Variants in ZBTB20 observed in about 807,000 individuals in gnomAD.
ZBTB20 encodes the protein zinc finger and BTB domain-containing protein 20.
Under a neutral mutation model 56.9 loss-of-function variants are expected in ZBTB20, and 9 were observed. The observed-to-expected ratio is 0.16, with a 90% confidence interval of 0.10 to 0.28. The LOEUF is 0.28. ZBTB20 is among the 10% of genes least tolerant of loss of function. ZBTB20 has a pLI of 1.00. For missense variants in ZBTB20, 655 were observed against 1,003.0 expected, an observed-to-expected ratio of 0.65 and a Z score of 4.69; for synonymous variants, 417 against 420.7, an observed-to-expected ratio of 0.99 and a Z score of 0.11.
chr3:114,853,526 T>A (rs1354018913), intron 4 of ZBTB20, among the ~76,000 whole-genome samples: 1 of 152,200 alleles, frequency 6.6e-6, no homozygotes, highest in Admixed American at 6.5e-5. Flanking sequence ...ACTTATTAGC[T>A]CCTCTCCAAT....
intron 1 of ZBTB20, among the ~76,000 whole-genome samples, chr3:115,104,130 C>T (rs938791257): frequency 1.3e-5 from 2 of 152,150 alleles, no homozygotes; most frequent in African/African-American, 4.8e-5. Context: ...GGGAAATGCA[C>T]ATTAAAAATA....
At chr3:114,526,508 C>T (rs889826854) in intron 6 of ZBTB20, among the ~76,000 whole-genome samples, 3 of 151,990 alleles carry the variant, frequency 2.0e-5, no homozygotes, top group African/African-American at 4.8e-5. Flanking sequence ...ATTCATGTTC[C>T]TTTGATAAAT....
intron 5 of ZBTB20, among the ~76,000 whole-genome samples, chr3:114,735,941 G>A (rs556527150): frequency 5.9e-5 from 9 of 152,262 alleles, no homozygotes; most frequent in African/African-American, 2.2e-4. Flanking sequence ...TGATGGTAAC[G>A]TTTCAAGTAT....
intron 5 of ZBTB20, among the ~76,000 whole-genome samples, chr3:114,769,552 CATATATATATATATAT>C (rs6148023): frequency 0.21 from 23,899 of 116,526 alleles, 2,558 homozygotes; most frequent in Middle Eastern, 0.27. Context: ...TGCCAAAATG[CATATATATATATATAT>C]ATATATATAT....
At chr3:114,468,085 T>A (rs962602005) in intron 7 of ZBTB20, among the ~76,000 whole-genome samples, 1 of 152,222 alleles carries the variant, frequency 6.6e-6, no homozygotes, top group African/African-American at 2.4e-5. Flanking sequence ...TTTTGAATAT[T>A]TTTTTATGTC....
intron 7 of ZBTB20, among the ~76,000 whole-genome samples, chr3:114,470,962 T>C (rs2040057925): frequency 6.6e-6 from 1 of 152,218 alleles, no homozygotes. Flanking sequence ...AGACCTGGTT[T>C]CAAATCTTGT....
chr3:114,923,680 G>A (rs868514949), intron 3 of ZBTB20, among the ~76,000 whole-genome samples: 6 of 151,954 alleles, frequency 3.9e-5, no homozygotes, highest in African/African-American at 1.2e-4. Flanking sequence ...ATATTGACAC[G>A]AAAAGCACAG....
intron 2 of ZBTB20, among the ~76,000 whole-genome samples, chr3:115,040,704 G>T (rs999033301): frequency 6.6e-6 from 1 of 152,074 alleles, no homozygotes; most frequent in Non-Finnish European, 1.5e-5. Flanking sequence ...TGGGCACAAA[G>T]AAATGTTTTC....
chr3:114,686,757 G>T lies in ZBTB20; in HGVS notation c.-295+6771C>A, dbSNP rs187965129. 2.4e-4 allele frequency among the ~76,000 whole-genome samples: 37 copies of T among 152,140 alleles called. No individual in the cohort carries two copies. In the East Asian group the frequency reaches 7.2e-3, roughly 29 times the overall value. Reference sequence around the variant, plus strand: ...CCCCCTGAAGGCCTTCATCACTCTTGTTCTTGTTTTGATCTACATATCTCT... The same window carrying T: ...CCCCCTGAAGGCCTTCATCACTCTTTTTCTTGTTTTGATCTACATATCTCT... On this transcript the variant is annotated intron_variant, in intron 6 of 11. Coordinates refer to ENST00000675478, the MANE Select transcript of ZBTB20 (RefSeq NM_001348800.3).
intron 4 of ZBTB20, among the ~76,000 whole-genome samples, chr3:114,894,697 AT>A (rs2074797815): frequency 6.6e-6 from 1 of 152,200 alleles, no homozygotes; most frequent in Admixed American, 6.5e-5. Context: ...GGCCATCTAT[AT>A]GTCAAGGAGA....
chr3:114,435,571 AAT>A (rs1010925406), intron 7 of ZBTB20, among the ~76,000 whole-genome samples: 9 of 152,146 alleles, frequency 5.9e-5, no homozygotes, highest in Admixed American at 3.3e-4. Context: ...CATGGCATGA[AAT>A]CAGTGTTGGG....
chr3:114,729,889 A>C (rs1377754287), intron 5 of ZBTB20, among the ~76,000 whole-genome samples: 1 of 151,604 alleles, frequency 6.6e-6, no homozygotes, highest in Non-Finnish European at 1.5e-5. Flanking sequence ...CTACAGCCTC[A>C]AACTCCTGGG....
intron 5 of ZBTB20, chr3:114,743,815 T>A (rs978758724): frequency 2.0e-5 from 3 of 152,062 alleles, no homozygotes; most frequent in Admixed American, 6.6e-5. Context: ...AAAATTGTTA[T>A]TTTTTTTACT....
At chr3:115,006,481 A>ATATATATATATATATAT (rs2079478624) in intron 2 of ZBTB20, among the ~76,000 whole-genome samples, 1 of 151,368 alleles carries the variant, frequency 6.6e-6, no homozygotes, top group African/African-American at 2.4e-5. Context: ...ATATATATAT[A>ATATATATATATATATAT]ACCATTTGTC....
chr3:114,472,464 C>T (rs2040241278), intron 7 of ZBTB20, among the ~76,000 whole-genome samples: 1 of 152,192 alleles, frequency 6.6e-6, no homozygotes, highest in Non-Finnish European at 1.5e-5. Context: ...AATCTCAGCA[C>T]TTTGGGAGGC....
At chr3:114,504,410 C>T (rs1442930439) in intron 6 of ZBTB20, among the ~76,000 whole-genome samples, 2 of 152,040 alleles carry the variant, frequency 1.3e-5, no homozygotes, top group Non-Finnish European at 2.9e-5. Context: ...TAGAAAAAGC[C>T]ACAAAATAAA....
At chr3:114,822,367 T>C (rs1052521299) in intron 4 of ZBTB20, among the ~76,000 whole-genome samples, 6 of 144,618 alleles carry the variant, frequency 4.1e-5, no homozygotes, top group African/African-American at 9.7e-5. Flanking sequence ...TTTTTGAACA[T>C]GTTGACAAAC....
chr3:114,951,602 C>G (rs1159452280), intron 3 of ZBTB20, among the ~76,000 whole-genome samples: 1 of 152,104 alleles, frequency 6.6e-6, no homozygotes, highest in East Asian at 1.9e-4. Flanking sequence ...GATATTGAAA[C>G]CACAGAAGGA....
intron 5 of ZBTB20, among the ~76,000 whole-genome samples, chr3:114,768,885 C>T (rs1417203914): frequency 1.3e-5 from 2 of 152,128 alleles, no homozygotes; most frequent in Non-Finnish European, 2.9e-5. Flanking sequence ...AGTAATTTTG[C>T]TACCATGCTA....
Sources: gnomAD v4.1 joint callset for allele counts (sites outside exome capture counted in the v4.1 genomes callset) on GRCh38, gnomAD v4.1.1 for gene constraint, MANE v1.5 for transcripts, NCBI Gene and HGNC (gene_info 2026-07-23, HGNC 2026-07-21) for gene names.